The following TXNRD1 variants were observed in gnomAD, a reference collection of about 807,000 sequenced individuals.
The protein encoded by TXNRD1 is thioredoxin reductase 1, also known as thioredoxin reductase 1, cytoplasmic.
In TXNRD1, 57 loss-of-function variants were observed where a neutral mutation model predicts 80.3. That is an observed-to-expected ratio of 0.71 (90% confidence interval 0.57 to 0.89). The LOEUF (loss-of-function observed/expected upper bound fraction) is 0.89, where lower values mean the gene tolerates loss of function less well. TXNRD1 is among the 40% of genes least tolerant of loss of function. The pLI is 0.00. For synonymous variants in TXNRD1, 291 were observed against 285.2 expected, an observed-to-expected ratio of 1.02 and a Z score of -0.20; for missense variants, 730 against 803.0, an observed-to-expected ratio of 0.91 and a Z score of 1.10.
intron 10 of TXNRD1, among the ~76,000 whole-genome samples, chr12:104,323,979 G>A (rs1043459139): frequency 1.3e-5 from 2 of 152,278 alleles, no homozygotes; most frequent in South Asian, 4.1e-4. Context: ...TAAAGTGACC[G>A]AATGGAAGGA....
chr12:104,315,158 C>T (rs1300127894), intron 6 of TXNRD1, among the ~76,000 whole-genome samples: 1 of 152,196 alleles, frequency 6.6e-6, no homozygotes, highest in Non-Finnish European at 1.5e-5. Context: ...GCAGATGCTG[C>T]TTGAATTACA....
intron 3 of TXNRD1, among the ~76,000 whole-genome samples, chr12:104,271,286 T>C (rs1170694548): frequency 1.3e-5 from 2 of 150,162 alleles, no homozygotes; most frequent in African/African-American, 4.9e-5. Flanking sequence ...CCCAGGTTCA[T>C]GCCATTCTCC....
rs376182332 is a variant in TXNRD1 at position 104,321,091 on chromosome 12, T to A, written c.990T>A (p.Ser330Arg). The A allele has an allele frequency of 6.3e-7, 1 of 1,598,108 alleles. No homozygotes were observed. Among genetic ancestry groups the A allele is most frequent in the Middle Eastern group, 1.7e-4 (1 of 6,052 alleles). Residue 330 changes from serine (S) to arginine (R), a missense_variant and splice_region_variant, in exon 10 of 17, where the codon AGT (serine) becomes AGA (arginine). By Grantham distance (110) the Ser-to-Arg change is moderately radical. Transcript: ENST00000525566. ...IPGDKEYCIS[S>R]DDLFSLPYCP... ...TTCCTTTTTTTTTTTTTTCCCCCAG[T>A]GATGATCTTTTCTCCTTGCCTTACT...
chr12:104,347,463 G>A (rs1336718358), intron 16 of TXNRD1, among the ~76,000 whole-genome samples: 1 of 152,220 alleles, frequency 6.6e-6, no homozygotes, highest in African/African-American at 2.4e-5. Flanking sequence ...ACCATCAAAT[G>A]TTTGCAAGGA....
In TXNRD1 at chr12:104,277,661, G is replaced by T. The variant is rs183434184; in HGVS notation, c.305-11270G>T. Among the ~76,000 whole-genome samples, 371 of 152,128 alleles carry T rather than the reference G, an allele frequency of 2.4e-3. 1 individual carries two copies. Among genetic ancestry groups the T allele is most frequent in the Non-Finnish European group, 4.4e-3 (300 of 68,010 alleles). On this transcript the variant is annotated intron_variant, in intron 3 of 16. Transcript: ENST00000525566. ...GAGTTTTCAGGGTGGATGATTCATG[G>T]ATGATTTTCCTTGTTTGTTATCAGA...
intron 3 of TXNRD1, among the ~76,000 whole-genome samples, chr12:104,282,699 T>A (rs2033903374): frequency 6.6e-6 from 1 of 152,090 alleles, no homozygotes; most frequent in Non-Finnish European, 1.5e-5. Context: ...CATGAGAGCC[T>A]TTTCTTTCTT....
chr12:104,336,666 T>C (rs35483264), intron 15 of TXNRD1, among the ~76,000 whole-genome samples: 6,738 of 152,332 alleles, frequency 0.044, 172 homozygotes, highest in African/African-American at 0.049. Flanking sequence ...AGGGCTTTTT[T>C]CTTATAAGAG....
chr12:104,307,271 CATT>C (rs533230997), intron 4 of TXNRD1, among the ~76,000 whole-genome samples: 14 of 152,272 alleles, frequency 9.2e-5, no homozygotes, highest in African/African-American at 2.6e-4. Flanking sequence ...ATAGAAATAA[CATT>C]ATGCTAGTCT....
At chr12:104,235,643 T>A (rs925361662) in intron 1 of TXNRD1, among the ~76,000 whole-genome samples, 1 of 152,188 alleles carries the variant, frequency 6.6e-6, no homozygotes, top group Non-Finnish European at 1.5e-5. Context: ...GTGAGGTTAG[T>A]CTTAAGCTGT....
chr12:104,267,721 C>T (rs142187603), intron 3 of TXNRD1, among the ~76,000 whole-genome samples: 44,463 of 84,278 alleles, frequency 0.53, 9,099 homozygotes, highest in East Asian at 0.63. Flanking sequence ...TTCTTTCTTT[C>T]TCTTTCTTTC....
intron 15 of TXNRD1, among the ~76,000 whole-genome samples, chr12:104,338,766 G>A (rs1009691521): frequency 2.0e-5 from 3 of 151,870 alleles, no homozygotes; most frequent in African/African-American, 7.3e-5. Flanking sequence ...GTCTAGGCTG[G>A]AGTGCAGTGG....
At position 104,219,371 on chromosome 12, in the gene TXNRD1, T is replaced by C. The variant is rs1593674781; in HGVS notation, c.91+3478T>C. 5.3e-5 allele frequency among the ~76,000 whole-genome samples: 8 copies of C among 152,372 alleles called. 2 individuals are homozygous for C. The highest frequency in any genetic ancestry group is 5.2e-4 in the Admixed American group (8 of 15,304). ...GTGGTTAAGTTTCAAGAAACTAATT[T>C]CTTAATGATGCAGAAGGTTTTGCTT... On this transcript the variant is annotated intron_variant, in intron 1 of 16. Transcript: ENST00000525566.
At chr12:104,225,942 G>A (rs747804210) in intron 1 of TXNRD1, among the ~76,000 whole-genome samples, 27 of 152,258 alleles carry the variant, frequency 1.8e-4, no homozygotes, top group African/African-American at 5.8e-4. Flanking sequence ...TCTCACGCCT[G>A]TAATCCCAGC....
At chr12:104,266,469 T>C (rs1265652575) in intron 3 of TXNRD1, among the ~76,000 whole-genome samples, 2 of 138,786 alleles carry the variant, frequency 1.4e-5, no homozygotes, top group African/African-American at 5.5e-5. Context: ...GAGGTTGCAG[T>C]GAGTTGAGAT....
intron 2 of TXNRD1, among the ~76,000 whole-genome samples, chr12:104,255,621 C>T (rs1019531997): frequency 2.0e-5 from 3 of 151,966 alleles, no homozygotes; most frequent in African/African-American, 4.8e-5. Context: ...GGAGAAACCC[C>T]GTCTCTACTA....
At chr12:104,310,208 GGC>G (rs2035084596) in intron 4 of TXNRD1, 8 of 1,205,932 alleles carry the variant, frequency 6.6e-6, no homozygotes, top group Non-Finnish European at 7.8e-6. Flanking sequence ...GGAGTGCAGT[GGC>G]GCAATCTTGG....
chr12:104,284,058 A>G (rs1184222868), intron 3 of TXNRD1, among the ~76,000 whole-genome samples: 1 of 152,074 alleles, frequency 6.6e-6, no homozygotes, highest in Non-Finnish European at 1.5e-5. Flanking sequence ...GATTGATGCT[A>G]TTTTCTTAAA....
chr12:104,328,091 G>A (rs193043788), intron 13 of TXNRD1, among the ~76,000 whole-genome samples: 1 of 151,580 alleles, frequency 6.6e-6, no homozygotes, highest in African/African-American at 2.4e-5. Flanking sequence ...CGGGGAACTG[G>A]GAGGCAGAGG....
chr12:104,222,171 G>T (rs1187373156), intron 1 of TXNRD1, among the ~76,000 whole-genome samples: 1 of 152,148 alleles, frequency 6.6e-6, no homozygotes, highest in Admixed American at 6.6e-5. Context: ...AGGTAAATAT[G>T]GTCTGTGAAT....
Sources: allele counts gnomAD v4.1 joint callset (sites outside exome capture counted in the v4.1 genomes callset), GRCh38; gene constraint gnomAD v4.1.1; transcripts MANE v1.5; gene names NCBI Gene and HGNC (gene_info 2026-07-23, HGNC 2026-07-21).